The following AGBL1 variants were observed in gnomAD, a reference collection of about 807,000 sequenced individuals.
AGBL1 encodes the protein AGBL carboxypeptidase 1.
A neutral mutation model predicts 118.9 loss-of-function variants in AGBL1; 130 were observed. The ratio of observed to expected loss-of-function variants is 1.09; its 90% CI spans 0.95 to 1.26. AGBL1 has a LOEUF of 1.26. AGBL1 is among the 50% of genes most tolerant of loss of function. The pLI is 0.00. For synonymous variants in AGBL1, 555 were observed against 478.9 expected (o/e 1.16, Z -2.08); for missense variants, 1,584 against 1,298.1 (o/e 1.22, Z -3.38).
chr15:86,988,343 C>T, intron 24 of AGBL1: 2 of 304,050 alleles, frequency 6.6e-6, no homozygotes, highest in Non-Finnish European at 1.2e-5. Flanking sequence ...TTACTATCTG[C>T]CAGTAGATGT....
chr15:87,020,830 T>G (rs866973252), intron 24 of AGBL1, among the ~76,000 whole-genome samples: 3 of 152,212 alleles, frequency 2.0e-5, no homozygotes, highest in Middle Eastern at 6.8e-3. Context: ...TACAAACCAC[T>G]GCTTGAAGAA....
chr15:86,915,694 A>G lies in AGBL1; in HGVS notation c.*8400A>G, dbSNP rs562186979. The G allele has an allele frequency of 1.3e-5, 2 of 152,244 alleles. No individual in the cohort carries two copies. The highest frequency in any genetic ancestry group is 1.9e-4 in the East Asian group (1 of 5,168). 9.4% of individuals were successfully genotyped at this position (152,244 alleles called of 1,614,324 possible). On this transcript the variant is annotated 3_prime_UTR_variant, in exon 23 of 23. Coordinates refer to ENST00000614907, the MANE Select transcript of AGBL1 (RefSeq NM_001386094.1). ...TGTAATATCTTGGAGAACAAAGACAATTTTGTTCACTGCTACATCCTGAGA... is the reference window on the plus strand; with the variant it reads ...TGTAATATCTTGGAGAACAAAGACAGTTTTGTTCACTGCTACATCCTGAGA...
chr15:86,735,732 G>T (rs1218298220), intron 22 of AGBL1, among the ~76,000 whole-genome samples: 2 of 151,010 alleles, frequency 1.3e-5, no homozygotes, highest in African/African-American at 4.9e-5. Context: ...TCAAATGAAG[G>T]TAAATTTTTA....
intron 18 of AGBL1, among the ~76,000 whole-genome samples, chr15:86,411,815 A>G (rs2081625070): frequency 1.3e-5 from 2 of 152,242 alleles, no homozygotes; most frequent in South Asian, 2.1e-4. Flanking sequence ...TAAATAAAAA[A>G]TAACTGAGAG....
At chr15:86,733,278 A>G (rs772858829) in intron 22 of AGBL1, among the ~76,000 whole-genome samples, 9 of 152,086 alleles carry the variant, frequency 5.9e-5, no homozygotes, top group African/African-American at 1.4e-4. Flanking sequence ...TGAAGACCCA[A>G]AAACAGAGAG....
At chr15:86,110,171 A>C (rs1009320340) in intron 1 of AGBL1, among the ~76,000 whole-genome samples, 1 of 152,198 alleles carries the variant, frequency 6.6e-6, no homozygotes, top group Non-Finnish European at 1.5e-5. Context: ...AGTGACAAAT[A>C]GCATTGAGGA....
At chr15:86,759,786 C>G (rs909831252) in intron 22 of AGBL1, among the ~76,000 whole-genome samples, 1 of 152,112 alleles carries the variant, frequency 6.6e-6, no homozygotes, top group South Asian at 2.1e-4. Flanking sequence ...TCTCGATGAT[C>G]TTCACGTGAT....
intron 22 of AGBL1, among the ~76,000 whole-genome samples, chr15:86,710,283 C>A: frequency 6.6e-6 from 1 of 152,058 alleles, no homozygotes; most frequent in South Asian, 2.1e-4. Flanking sequence ...GGGTGATGCA[C>A]GTGATTAGAG....
intron 21 of AGBL1, among the ~76,000 whole-genome samples, chr15:86,628,017 A>C (rs964044423): frequency 6.6e-6 from 1 of 152,184 alleles, no homozygotes. Flanking sequence ...CATGGAAACA[A>C]AGGTGTTAAG....
chr15:86,163,919 C>G (rs1009128869), intron 5 of AGBL1, among the ~76,000 whole-genome samples: 1 of 152,204 alleles, frequency 6.6e-6, no homozygotes, highest in Non-Finnish European at 1.5e-5. Flanking sequence ...GAGTTCTGCC[C>G]CATCCAAACA....
At position 86,670,685 on chromosome 15, in the gene AGBL1, T is replaced by C. The variant is rs535686601; in HGVS notation, c.2995-3588T>C. 2.3e-3 allele frequency among the ~76,000 whole-genome samples: 340 copies of C among 148,754 alleles called. 3 individuals are homozygous for C. The highest frequency in any genetic ancestry group is 8.1e-3 in the African/African-American group (329 of 40,606). On this transcript the variant is annotated intron_variant, in intron 21 of 22. Transcript: ENST00000614907. ...ATATAGCAAACTTATATAGTAAGAA[T>C]AGTACATATATATTACATATATGTA... is the stretch of plus-strand genomic sequence containing the variant.
chr15:86,321,167 T>C (rs964902618), intron 17 of AGBL1, among the ~76,000 whole-genome samples: 14 of 152,160 alleles, frequency 9.2e-5, no homozygotes, highest in African/African-American at 3.4e-4. Flanking sequence ...GTGTGTAACA[T>C]TAATAACATT....
chr15:86,519,618 A>G (rs1180227860), intron 18 of AGBL1, among the ~76,000 whole-genome samples: 2 of 152,224 alleles, frequency 1.3e-5, no homozygotes, highest in Non-Finnish European at 2.9e-5. Context: ...CTGCATTTGC[A>G]TAGATACAGG....
chr15:86,102,942 C>A (rs1178972261), intron 1 of AGBL1, among the ~76,000 whole-genome samples: 1 of 152,102 alleles, frequency 6.6e-6, no homozygotes, highest in Non-Finnish European at 1.5e-5. Flanking sequence ...TTCTGGGACA[C>A]TGAATATTTA....
At chr15:86,737,598 G>C (rs992504612) in intron 22 of AGBL1, among the ~76,000 whole-genome samples, 1 of 152,100 alleles carries the variant, frequency 6.6e-6, no homozygotes. Flanking sequence ...GCTGAGCCTT[G>C]ATTTCCTCCT....
chr15:86,830,384 C>A (rs1267128721), intron 22 of AGBL1, among the ~76,000 whole-genome samples: 3 of 152,014 alleles, frequency 2.0e-5, no homozygotes, highest in Non-Finnish European at 2.9e-5. Context: ...AAAAAACAAT[C>A]ATAGTAAAGC....
At chr15:86,451,105 A>ACTCATT (rs1353146409) in intron 18 of AGBL1, among the ~76,000 whole-genome samples, 2 of 152,204 alleles carry the variant, frequency 1.3e-5, no homozygotes, top group East Asian at 3.8e-4. Context: ...AAATATACAG[A>ACTCATT]CTCATTACAG....
chr15:86,685,459 G>A (rs2142581339), intron 22 of AGBL1, among the ~76,000 whole-genome samples: 1 of 152,238 alleles, frequency 6.6e-6, no homozygotes, highest in East Asian at 1.9e-4. Context: ...ATAAGTTTAT[G>A]ATGACTTAGC....
At chr15:86,708,788 C>T (rs62031368) in intron 22 of AGBL1, among the ~76,000 whole-genome samples, 49,450 of 151,656 alleles carry the variant, frequency 0.33, 9,566 homozygotes, top group Non-Finnish European at 0.44. Context: ...ACAATATCAC[C>T]CTAGGCCAGG....
Sources: gnomAD v4.1 joint callset for allele counts (sites outside exome capture counted in the v4.1 genomes callset) on GRCh38, gnomAD v4.1.1 for gene constraint, MANE v1.5 for transcripts, NCBI Gene and HGNC (gene_info 2026-07-23, HGNC 2026-07-21) for gene names.